Variants in NR6A1 observed in about 807,000 individuals in gnomAD.
The protein encoded by NR6A1 is nuclear receptor subfamily 6 group A member 1, also known as retinoic acid receptor-related testis-associated receptor.
A neutral mutation model predicts 59.1 loss-of-function variants in NR6A1; 7 were observed. The observed-to-expected ratio is 0.12, with a 90% confidence interval of 0.07 to 0.22. The LOEUF is 0.22. Ranked by LOEUF, NR6A1 falls within the 10% of genes least tolerant of loss-of-function variation. The pLI is 1.00. For synonymous variants in NR6A1, 243 were observed against 236.1 expected, an observed-to-expected ratio of 1.03 and a Z score of -0.27; for missense variants, 468 against 611.6, an observed-to-expected ratio of 0.77 and a Z score of 2.48.
Position 124,610,935 on chromosome 9 carries a change from G to A in NR6A1, c.143-56365C>T, listed in dbSNP as rs1588708045. 2.0e-5 allele frequency among the ~76,000 whole-genome samples: 3 copies of A among 152,094 alleles called. No homozygotes were observed. The South Asian group carries it at 6.2e-4, about 31-fold the overall frequency. ...AAGAGTTCAATACACCAAGCTGAGCGGAGAGGTGCTTTTGACCCCAAATAA... is the reference window on the plus strand; with the variant it reads ...AAGAGTTCAATACACCAAGCTGAGCAGAGAGGTGCTTTTGACCCCAAATAA... On this transcript the variant is annotated intron_variant, in intron 2 of 9. Transcript: ENST00000487099.
In NR6A1 at chr9:124,519,075, G is replaced by C. The variant is rs921515913; in HGVS notation, c.*3630C>G. 6.6e-6 allele frequency: 1 copy of C among 152,262 alleles called. No individual in the cohort carries two copies. Among genetic ancestry groups the C allele is most frequent in the East Asian group, 1.9e-4 (1 of 5,204 alleles). The allele number at this position is 152,262 out of a possible 1,614,324, so 9.4% of individuals were successfully genotyped here. A position where few individuals can be genotyped will look rare whatever the true frequency, so the allele number is the denominator to read the frequency against. On this transcript the variant is annotated 3_prime_UTR_variant, in exon 10 of 10. Coordinates refer to ENST00000487099, the MANE Select transcript of NR6A1 (RefSeq NM_033334.4). ...AAACAAATGTAGGAAATGGGTAACA[G>C]AGCAATGCACCTAGCTCAGAGCCCA...
intron 2 of NR6A1, among the ~76,000 whole-genome samples, chr9:124,649,308 T>C (rs1837031103): frequency 6.7e-6 from 1 of 150,104 alleles, no homozygotes; most frequent in Admixed American, 6.6e-5. Context: ...TCCACACATT[T>C]ACAGTCAAAT....
chr9:124,665,755 A>C (rs1392574455), intron 2 of NR6A1, among the ~76,000 whole-genome samples: 1 of 152,236 alleles, frequency 6.6e-6, no homozygotes, highest in African/African-American at 2.4e-5. Flanking sequence ...TTAACAACCA[A>C]GAATATTTGA....
rs1220925858 is a variant in NR6A1, at chr9:124,518,167, C to T, written c.*4538G>A. On this transcript the variant is annotated 3_prime_UTR_variant, in exon 10 of 10. Coordinates refer to ENST00000487099, the MANE Select transcript of NR6A1 (RefSeq NM_033334.4). ...CTCCCTTTGAGCCTACAGTTGATTC[C>T]TGTGCAGGCTGTGGTCCATTTAGGG... 6.7e-6 allele frequency: 1 copy of T among 148,972 alleles called. No individual in the cohort carries two copies. The allele number at this position is 148,972 out of a possible 1,614,324, so 9.2% of individuals were successfully genotyped here.
At chr9:124,689,947 A>G (rs1056365634) in intron 2 of NR6A1, among the ~76,000 whole-genome samples, 1 of 152,210 alleles carries the variant, frequency 6.6e-6, no homozygotes, top group Non-Finnish European at 1.5e-5. Flanking sequence ...CAGGATGGCA[A>G]GGGTTTTATA....
At chr9:124,746,487 G>C (rs1012263309) in intron 1 of NR6A1, among the ~76,000 whole-genome samples, 1 of 152,072 alleles carries the variant, frequency 6.6e-6, no homozygotes, top group African/African-American at 2.4e-5. Flanking sequence ...TACCTGGTAG[G>C]CTGAGACAGG....
chr9:124,538,427 G>A (rs1208262356), intron 5 of NR6A1, 108 bp from the exon 6 acceptor site: 2 of 763,672 alleles, frequency 2.6e-6, no homozygotes, highest in African/African-American at 3.5e-5. Flanking sequence ...TGAGGTATGT[G>A]TCTTCATCAA....
At chr9:124,727,200 A>C (rs534172546) in intron 2 of NR6A1, among the ~76,000 whole-genome samples, 1 of 152,346 alleles carries the variant, frequency 6.6e-6, no homozygotes, top group East Asian at 1.9e-4. Flanking sequence ...ATTTTCCCTG[A>C]GTAATTCAAG....
chr9:124,636,201 T>C (rs1488715525), intron 2 of NR6A1, among the ~76,000 whole-genome samples: 1 of 152,254 alleles, frequency 6.6e-6, no homozygotes, highest in Non-Finnish European at 1.5e-5. Context: ...TTTAATCAAA[T>C]TATGTCTTTA....
In NR6A1 at chr9:124,526,823, T is replaced by C; in HGVS notation, c.1157A>G (p.Asn386Ser). ...TGCTTTCATGCAAGCATACTCCTCGTTGCTGACCTTTAGCTGATGGAACTT... is the reference window on the plus strand; with the variant it reads ...TGCTTTCATGCAAGCATACTCCTCGCTGCTGACCTTTAGCTGATGGAACTT... ...YHKFHQLKVS[N>S]EEYACMKAIN... The change falls in exon 8 of 10, where the codon AAC becomes AGC. Residue 386 changes from asparagine (N) to serine (S), a missense_variant. Physicochemically the swap from Asn to Ser is conservative, Grantham distance 46. Around this residue, in one of 4 missense-constraint regions of NR6A1, gnomAD observed 176 missense variants for 264.0 expected, o/e 0.67. Coordinates refer to ENST00000487099, the MANE Select transcript of NR6A1 (RefSeq NM_033334.4). The C allele has an allele frequency of 6.8e-6, 11 of 1,614,104 alleles. No homozygotes were observed. The highest frequency in any genetic ancestry group is 8.5e-6 in the Non-Finnish European group (10 of 1,179,954).
At chr9:124,642,341 C>T (rs1007532690) in intron 2 of NR6A1, among the ~76,000 whole-genome samples, 12 of 152,158 alleles carry the variant, frequency 7.9e-5, no homozygotes, top group Non-Finnish European at 1.0e-4. Context: ...TGAGGCACTG[C>T]GCCCAGAAAC....
chr9:124,683,207 A>G (rs12347070), intron 2 of NR6A1, among the ~76,000 whole-genome samples: 2,706 of 151,794 alleles, frequency 0.018, 80 homozygotes, highest in African/African-American at 0.062. Context: ...CCAAGACAGA[A>G]AAGAAAAGAA....
At chr9:124,661,075 C>G (rs967741281) in intron 2 of NR6A1, among the ~76,000 whole-genome samples, 1 of 152,000 alleles carries the variant, frequency 6.6e-6, no homozygotes, top group Non-Finnish European at 1.5e-5. Context: ...AATATATATA[C>G]CAATTTAGAG....
chr9:124,653,559 TATC>T (rs1657256821), intron 2 of NR6A1, among the ~76,000 whole-genome samples: 1 of 152,086 alleles, frequency 6.6e-6, no homozygotes, highest in Non-Finnish European at 1.5e-5. Flanking sequence ...TACAGGCACA[TATC>T]ATCAAGCCAG....
intron 2 of NR6A1, among the ~76,000 whole-genome samples, chr9:124,609,691 A>G (rs893986852): frequency 2.4e-4 from 36 of 152,158 alleles, no homozygotes; most frequent in African/African-American, 8.0e-4. Context: ...TCTATAAATA[A>G]CTTTAGGTGG....
At chr9:124,648,788 C>T (rs1837011238) in intron 2 of NR6A1, among the ~76,000 whole-genome samples, 1 of 150,362 alleles carries the variant, frequency 6.7e-6, no homozygotes, top group Admixed American at 6.6e-5. Context: ...AAATCGGTAG[C>T]ATTTCTATAT....
chr9:124,587,506 C>T (rs76969994), intron 2 of NR6A1, among the ~76,000 whole-genome samples: 1,682 of 152,196 alleles, frequency 0.011, 30 homozygotes, highest in African/African-American at 0.038. Flanking sequence ...GAAAGAAGGA[C>T]CAATTAGTAT....
intron 1 of NR6A1, among the ~76,000 whole-genome samples, chr9:124,736,350 A>C (rs192948252): frequency 1.3e-5 from 2 of 152,362 alleles, no homozygotes; most frequent in Admixed American, 1.3e-4. Context: ...ACTCAAAAAC[A>C]AAGAAAATAC....
At chr9:124,714,178 A>C (rs1363964611) in intron 2 of NR6A1, among the ~76,000 whole-genome samples, 1 of 152,220 alleles carries the variant, frequency 6.6e-6, no homozygotes, top group Non-Finnish European at 1.5e-5. Context: ...TAAATGAGGT[A>C]CCTAGAGTAG....
Sources: allele counts gnomAD v4.1 joint callset (sites outside exome capture counted in the v4.1 genomes callset), GRCh38; gene constraint gnomAD v4.1.1; regional missense constraint gnomAD v4.1.1; transcripts MANE v1.5; gene names NCBI Gene and HGNC (gene_info 2026-07-23, HGNC 2026-07-21).